USH2A: variants seen among roughly 807,000 people sequenced by gnomAD.
The protein encoded by USH2A is Usher syndrome 2A (autosomal recessive, mild).
A neutral mutation model predicts 538.9 loss-of-function variants in USH2A; 443 were observed. The ratio of observed to expected loss-of-function variants is 0.82; its 90% CI spans 0.76 to 0.89. The LOEUF (loss-of-function observed/expected upper bound fraction) is 0.89, where lower values mean the gene tolerates loss of function less well. Among genes scored for constraint, USH2A ranks in the 40% least tolerant of loss-of-function variants. The pLI is 0.00. For missense variants in USH2A, 6,633 were observed against 6,324.8 expected (o/e 1.05, Z -1.65); for synonymous variants, 2,413 against 2,273.5 (o/e 1.06, Z -1.75).
At chr1:216,217,298 TG>T in intron 15 of USH2A, 88 bp downstream of exon 15, 1 of 1,541,972 alleles carries the variant, frequency 6.5e-7, no homozygotes. Context: ...GCCTTTCTGA[TG>T]GGTTCTAAAT....
At chr1:215,916,552 G>A (rs1571810289) in intron 38 of USH2A, among the ~76,000 whole-genome samples, 2 of 152,126 alleles carry the variant, frequency 1.3e-5, no homozygotes, top group East Asian at 3.9e-4. Flanking sequence ...CAAAATTCGT[G>A]CAAATATTTG....
intron 58 of USH2A, among the ~76,000 whole-genome samples, chr1:215,749,328 T>C (rs1660562335): frequency 6.6e-6 from 1 of 152,196 alleles, no homozygotes; most frequent in Non-Finnish European, 1.5e-5. Flanking sequence ...ATAATCTTAA[T>C]CCAGATTTAA....
At chr1:215,770,988 G>A (rs187191305) in intron 55 of USH2A, among the ~76,000 whole-genome samples, 3 of 150,362 alleles carry the variant, frequency 2.0e-5, no homozygotes, top group Admixed American at 1.3e-4. Flanking sequence ...TTAGCCAGGC[G>A]TGGTGGTGCA....
chr1:215,708,432 G>T (rs531438382), intron 61 of USH2A, among the ~76,000 whole-genome samples: 1 of 152,236 alleles, frequency 6.6e-6, no homozygotes, highest in African/African-American at 2.4e-5. Flanking sequence ...GTTTTACAGC[G>T]AGGAGCTAAC....
intron 55 of USH2A, among the ~76,000 whole-genome samples, chr1:215,770,148 A>G (rs1425792375): frequency 6.6e-6 from 1 of 152,180 alleles, no homozygotes. Context: ...GTCCACTATC[A>G]GGCTTTGTAC....
intron 58 of USH2A, among the ~76,000 whole-genome samples, chr1:215,743,551 G>T (rs536066855): frequency 1.3e-5 from 2 of 150,964 alleles, no homozygotes; most frequent in Non-Finnish European, 3.0e-5. Flanking sequence ...AATTGAGGCC[G>T]GGCGTGGTGG....
At chr1:216,292,537 G>C (rs912591066) in intron 9 of USH2A, among the ~76,000 whole-genome samples, 167 bp from the exon 10 acceptor site, 3 of 152,020 alleles carry the variant, frequency 2.0e-5, no homozygotes, top group Admixed American at 2.0e-4. Context: ...GCATATTTAC[G>C]GGCATGGTAG....
intron 22 of USH2A, among the ~76,000 whole-genome samples, chr1:216,095,863 A>C (rs941624981): frequency 1.3e-5 from 2 of 152,198 alleles, no homozygotes; most frequent in Admixed American, 1.3e-4. Context: ...CACTCAGTCC[A>C]TGATCCTAGA....
In USH2A at chr1:215,845,909, G is replaced by A; in HGVS notation, c.8970C>T (p.Asn2990=). The A allele has an allele frequency of 6.2e-7, 1 of 1,613,926 alleles. No individual in the cohort carries two copies. ...NSHVIGHLKP[N]TEYWIFISVF... is the part of the protein sequence containing the mutation. ...CAGAGATAAAGATCCAATACTCTGT[G>A]TTTGGCTTTAGGTGGCCAATGACAT... is the stretch of plus-strand genomic sequence containing the variant. Residue 2990 remains asparagine (N), a synonymous_variant, in exon 45 of 72, where the codon AAC becomes AAT. Transcript: ENST00000307340.
At chr1:216,372,096 G>A (rs116325629) in intron 3 of USH2A, among the ~76,000 whole-genome samples, 5,648 of 152,284 alleles carry the variant, frequency 0.037, 137 homozygotes, top group Middle Eastern at 0.082. Flanking sequence ...TATTTGTAAT[G>A]TTTGGAATGT....
intron 3 of USH2A, among the ~76,000 whole-genome samples, chr1:216,391,892 C>A (rs1023536899): frequency 1.3e-5 from 2 of 152,156 alleles, no homozygotes; most frequent in Non-Finnish European, 2.9e-5. Flanking sequence ...TGCATATTTT[C>A]AAACAAGAAA....
chr1:216,025,239 C>T (rs1212495787), intron 32 of USH2A, among the ~76,000 whole-genome samples: 3 of 151,558 alleles, frequency 2.0e-5, no homozygotes, highest in African/African-American at 7.3e-5. Context: ...GGCTTCTATG[C>T]CCATCAAACA....
At chr1:216,317,555 T>G (rs2102645504) in intron 9 of USH2A, among the ~76,000 whole-genome samples, 1 of 151,896 alleles carries the variant, frequency 6.6e-6, no homozygotes, top group Non-Finnish European at 1.5e-5. Context: ...GAACTTAAAA[T>G]AAAAGTTGAG....
intron 55 of USH2A, among the ~76,000 whole-genome samples, chr1:215,769,312 G>C (rs1661216799): frequency 6.6e-6 from 1 of 152,054 alleles, no homozygotes; most frequent in Non-Finnish European, 1.5e-5. Context: ...TGCAGTGACT[G>C]TTAAATAAAA....
intron 38 of USH2A, among the ~76,000 whole-genome samples, chr1:215,911,818 T>G (rs1043028669): frequency 2.0e-5 from 3 of 152,224 alleles, no homozygotes; most frequent in Admixed American, 6.6e-5. Context: ...TAATTTACAT[T>G]CCTACCAGCA....
At chr1:216,410,273 T>C (rs1222547143) in intron 3 of USH2A, among the ~76,000 whole-genome samples, 1 of 151,942 alleles carries the variant, frequency 6.6e-6, no homozygotes, top group Non-Finnish European at 1.5e-5. Flanking sequence ...ACTTCAACCA[T>C]TACAGAAAAC....
At chr1:215,944,182 A>C (rs1666703828) in intron 37 of USH2A, among the ~76,000 whole-genome samples, 1 of 152,192 alleles carries the variant, frequency 6.6e-6, no homozygotes, top group African/African-American at 2.4e-5. Context: ...CTATTTTTGT[A>C]AATAAAGGCT....
At chr1:216,056,203 C>T (rs1051186572) in intron 30 of USH2A, among the ~76,000 whole-genome samples, 5 of 152,168 alleles carry the variant, frequency 3.3e-5, no homozygotes, top group South Asian at 2.1e-4. Flanking sequence ...TTTGAAGCCA[C>T]GTGCTTGTGT....
At chr1:216,419,471 C>T (rs773010218) in intron 2 of USH2A, among the ~76,000 whole-genome samples, 52 of 152,074 alleles carry the variant, frequency 3.4e-4, no homozygotes, top group Non-Finnish European at 5.0e-4. Context: ...CTTGAGGTCT[C>T]TTCTTCACCT....
Sources: allele counts gnomAD v4.1 joint callset (sites outside exome capture counted in the v4.1 genomes callset), GRCh38; gene constraint gnomAD v4.1.1; transcripts MANE v1.5; gene names NCBI Gene and HGNC (gene_info 2026-07-23, HGNC 2026-07-21).